Variants in ARL6IP5 observed in about 807,000 individuals in gnomAD.
ARL6IP5 encodes ARF like GTPase 6 interacting protein 5.
ARL6IP5 carries 6 observed loss-of-function variants against 13.0 expected under a neutral mutation model. The observed-to-expected ratio is 0.46, with a 90% confidence interval of 0.25 to 0.91. The LOEUF (loss-of-function observed/expected upper bound fraction) is 0.91. ARL6IP5 is among the 40% of genes least tolerant of loss of function. The pLI is 0.17. For synonymous variants in ARL6IP5, 91 were observed against 91.9 expected, an observed-to-expected ratio of 0.99 and a Z score of 0.06; for missense variants, 208 against 248.8, an observed-to-expected ratio of 0.84 and a Z score of 1.10.
At chr3:69,089,484 G>A (rs1299679478) in intron 1 of ARL6IP5, among the ~76,000 whole-genome samples, 1 of 152,022 alleles carries the variant, frequency 6.6e-6, no homozygotes, top group African/African-American at 2.4e-5. Context: ...TACAATATTT[G>A]CAATGCTATT....
At chr3:69,091,556 G>A (rs1370387668) in intron 1 of ARL6IP5, among the ~76,000 whole-genome samples, 5 of 151,856 alleles carry the variant, frequency 3.3e-5, no homozygotes, top group East Asian at 1.9e-4. Flanking sequence ...CTTGGTCTCC[G>A]AAAGTGCTGG....
rs918816761 is a variant in ARL6IP5 at position 69,101,868 on chromosome 3, G to A, written c.206G>A (p.Gly69Glu). The A allele has an allele frequency of 3.3e-5, 53 of 1,613,572 alleles. No individual in the cohort carries two copies. The highest frequency in any genetic ancestry group is 8.3e-5 in the Admixed American group (5 of 59,938). ...GFLSPFNMIL[G>E]GIVVVLVFTG... Reference sequence around the variant, plus strand: ...CTGAGTCCCTTCAACATGATCCTGGGAGGAATCGTGGTGGTGCTGGTGTTC... The same window carrying A: ...CTGAGTCCCTTCAACATGATCCTGGAAGGAATCGTGGTGGTGCTGGTGTTC... Residue 69 changes from glycine to glutamate, a missense_variant, in exon 2 of 3, where the codon GGA becomes GAA. Transcript: ENST00000273258.
chr3:69,085,101 C>T lies in ARL6IP5; in HGVS notation c.54C>T (p.Ser18=), dbSNP rs1307909616. The part of the protein sequence containing the change: ...LRAWDDFFPG[S]DRFARPDFRD... The stretch of plus-strand genomic sequence containing the variant: ...CCTGGGACGATTTCTTCCCGGGTTC[C>T]GATCGCTTTGCCCGGCCGGACTTCA... The change falls in exon 1 of 3, where the codon TCC becomes TCT. Residue 18 remains serine, a synonymous_variant. Coordinates refer to ENST00000273258, the MANE Select transcript of ARL6IP5 (RefSeq NM_006407.4). 1.9e-6 allele frequency: 3 copies of T among 1,614,038 alleles called. No individual in the cohort carries two copies. Among genetic ancestry groups the T allele is most frequent in the Admixed American group, 1.7e-5 (1 of 60,000 alleles).
chr3:69,085,320 C>A, intron 1 of ARL6IP5, 97 bp downstream of exon 1: 1 of 1,414,538 alleles, frequency 7.1e-7, no homozygotes, highest in Non-Finnish European at 9.5e-7. Context: ...TCTCTGACCA[C>A]GCTCAGCGCC....
At chr3:69,090,165 A>C (rs1006103324) in intron 1 of ARL6IP5, among the ~76,000 whole-genome samples, 3 of 152,244 alleles carry the variant, frequency 2.0e-5, no homozygotes, top group Non-Finnish European at 4.4e-5. Context: ...GAGGAAAAAA[A>C]GCGTAAGGCA....
intron 1 of ARL6IP5, among the ~76,000 whole-genome samples, chr3:69,088,373 A>G (rs2092254423): frequency 6.6e-6 from 1 of 152,182 alleles, no homozygotes; most frequent in African/African-American, 2.4e-5. Context: ...ACCTGGATAA[A>G]AGAGTGTTCA....
chr3:69,089,441 T>G (rs540129092), intron 1 of ARL6IP5, among the ~76,000 whole-genome samples: 4 of 143,814 alleles, frequency 2.8e-5, no homozygotes, highest in Admixed American at 2.7e-4. Context: ...CTAAAGCTCT[T>G]GATTAACCAA....
At chr3:69,097,546 C>T (rs144090481) in intron 1 of ARL6IP5, among the ~76,000 whole-genome samples, 10 of 152,238 alleles carry the variant, frequency 6.6e-5, no homozygotes, top group African/African-American at 2.4e-4. Flanking sequence ...TTCATTCACT[C>T]TCCACTCTCT....
At chr3:69,097,614 G>A (rs763819012) in intron 1 of ARL6IP5, among the ~76,000 whole-genome samples, 1 of 152,120 alleles carries the variant, frequency 6.6e-6, no homozygotes, top group Non-Finnish European at 1.5e-5. Context: ...TTCCTCAGGC[G>A]TATAAGGGAA....
At position 69,105,672 on chromosome 3, in the gene ARL6IP5, T is replaced by C. The variant is rs1199364227; in HGVS notation, c.*1036T>C. The C allele has an allele frequency of 6.6e-6, 1 of 152,258 alleles. No homozygotes were observed. The highest frequency in any genetic ancestry group is 1.5e-5 in the Non-Finnish European group (1 of 68,046). The allele number at this position is 152,258 out of a possible 1,614,324, so 9.4% of individuals were successfully genotyped here. On this transcript the variant is annotated 3_prime_UTR_variant, in exon 3 of 3. Coordinates refer to ENST00000273258, the MANE Select transcript of ARL6IP5 (RefSeq NM_006407.4). ...CTAATAAAAAATTTTAGATAGCAAT[T>C]GTTACAACCATATGCCTTTATAGCT...
intron 1 of ARL6IP5, among the ~76,000 whole-genome samples, chr3:69,096,095 G>A (rs2092286213): frequency 6.6e-6 from 1 of 152,040 alleles, no homozygotes; most frequent in Non-Finnish European, 1.5e-5. Context: ...GCATTGGAGT[G>A]GTATACATTT....
intron 2 of ARL6IP5, among the ~76,000 whole-genome samples, chr3:69,103,801 GGA>G (rs1303888037): frequency 6.6e-6 from 1 of 152,146 alleles, no homozygotes; most frequent in South Asian, 2.1e-4. Flanking sequence ...TAGATCATAT[GGA>G]GAGAGGGTTA....
chr3:69,097,641 C>T (rs2092291230), intron 1 of ARL6IP5, among the ~76,000 whole-genome samples: 2 of 152,110 alleles, frequency 1.3e-5, no homozygotes, highest in Non-Finnish European at 2.9e-5. Context: ...CTTTCCCAGA[C>T]CAATTCCGGG....
At chr3:69,098,795 T>A (rs2092295440) in intron 1 of ARL6IP5, among the ~76,000 whole-genome samples, 1 of 152,158 alleles carries the variant, frequency 6.6e-6, no homozygotes, top group Non-Finnish European at 1.5e-5. Context: ...ATATAATGTC[T>A]TCCCATATTA....
intron 1 of ARL6IP5, 109 bp from the exon 2 acceptor site, chr3:69,101,730 G>GTATT: frequency 1.1e-6 from 1 of 872,062 alleles, no homozygotes; most frequent in Admixed American, 2.2e-5. Flanking sequence ...TTTAGATAAA[G>GTATT]TATTAAAGTA....
At chr3:69,091,727 C>A (rs1433836013) in intron 1 of ARL6IP5, among the ~76,000 whole-genome samples, 1 of 145,980 alleles carries the variant, frequency 6.9e-6, no homozygotes, top group Non-Finnish European at 1.5e-5. Context: ...TTTCCTTTCC[C>A]TAGGTAAGGA....
intron 1 of ARL6IP5, among the ~76,000 whole-genome samples, chr3:69,096,217 C>G (rs984147251): frequency 3.9e-5 from 6 of 152,142 alleles, no homozygotes; most frequent in Non-Finnish European, 8.8e-5. Context: ...AGGTTATGAA[C>G]TAAAACCAGT....
chr3:69,093,695 G>A (rs2092277232), intron 1 of ARL6IP5, among the ~76,000 whole-genome samples: 1 of 151,496 alleles, frequency 6.6e-6, no homozygotes, highest in Non-Finnish European at 1.5e-5. Flanking sequence ...CAGGGAGTCA[G>A]AGGTTGCAGC....
chr3:69,104,068 G>A (rs989711191), intron 2 of ARL6IP5, among the ~76,000 whole-genome samples: 7 of 152,086 alleles, frequency 4.6e-5, no homozygotes, highest in African/African-American at 1.2e-4. Context: ...AGATAATCCC[G>A]AATCGAGCAA....
Sources: allele counts gnomAD v4.1 joint callset (sites outside exome capture counted in the v4.1 genomes callset), GRCh38; gene constraint gnomAD v4.1.1; transcripts MANE v1.5; gene names NCBI Gene and HGNC (gene_info 2026-07-23, HGNC 2026-07-21).